The following DLGAP2 variants were observed in gnomAD, a reference collection of about 807,000 sequenced individuals.
DLGAP2 encodes the protein disks large-associated protein 2.
A neutral mutation model predicts 100.3 loss-of-function variants in DLGAP2; 26 were observed. That is an observed-to-expected ratio of 0.26 (90% CI 0.19 to 0.36). DLGAP2 has a LOEUF of 0.36. Ranked by LOEUF, DLGAP2 falls within the 10% of genes least tolerant of loss-of-function variation. The probability of loss-of-function intolerance (pLI) is 1.00; values close to 1 mark genes in which losing one functional copy is unlikely to be tolerated. For synonymous variants in DLGAP2, 886 were observed against 630.1 expected (o/e 1.41, Z -6.08); for missense variants, 1,858 against 1,453.2 (o/e 1.28, Z -4.53).
At chr8:1,162,363 C>A (rs764086299) in intron 2 of DLGAP2, among the ~76,000 whole-genome samples, 9 of 152,190 alleles carry the variant, frequency 5.9e-5, no homozygotes, top group Non-Finnish European at 1.3e-4. Context: ...ACAACACACA[C>A]TGGTGGTGGA....
intron 4 of DLGAP2, among the ~76,000 whole-genome samples, chr8:1,536,917 G>C (rs1801171496): frequency 6.6e-6 from 1 of 152,086 alleles, no homozygotes; most frequent in Non-Finnish European, 1.5e-5. Context: ...TATGTCATCT[G>C]CTTGCTGCGG....
chr8:1,282,561 G>A (rs1799838865), intron 3 of DLGAP2, among the ~76,000 whole-genome samples: 1 of 117,990 alleles, frequency 8.5e-6, no homozygotes, highest in Non-Finnish European at 1.7e-5. Flanking sequence ...GGTGTGACCT[G>A]AACCCAGCAC....
At chr8:1,632,257 C>G (rs983340665) in intron 7 of DLGAP2, among the ~76,000 whole-genome samples, 2 of 152,164 alleles carry the variant, frequency 1.3e-5, no homozygotes, top group East Asian at 1.9e-4. Context: ...CATCTGGACT[C>G]AGATATATGC....
intron 6 of DLGAP2, among the ~76,000 whole-genome samples, chr8:1,573,846 C>CT (rs1802856481): frequency 6.6e-6 from 1 of 152,308 alleles, no homozygotes; most frequent in East Asian, 1.9e-4. Context: ...CCCTAGAATA[C>CT]TTACATCTGG....
At chr8:972,803 T>G (rs973404704) in intron 2 of DLGAP2, among the ~76,000 whole-genome samples, 4 of 152,122 alleles carry the variant, frequency 2.6e-5, no homozygotes, top group African/African-American at 9.7e-5. Context: ...TACTTGAGAT[T>G]AGGGAGTGGT....
chr8:1,565,846 A>C lies in DLGAP2; in HGVS notation c.1394A>C (p.Glu465Ala). 1 of 1,612,934 alleles carries C rather than the reference A, an allele frequency of 6.2e-7. No individual in the cohort carries two copies. Among genetic ancestry groups the C allele is most frequent in the Non-Finnish European group, 8.5e-7 (1 of 1,179,416 alleles). Residue 465 changes from glutamate to alanine, a missense_variant, in exon 6 of 15, where the codon GAG becomes GCG. Glu to Ala is a moderately radical substitution (Grantham distance 107). Transcript: ENST00000637795. Reference protein sequence around the residue: ...KTSPKSAILPEPLLKSIGQRP... With the variant: ...KTSPKSAILPAPLLKSIGQRP... ...TCACCAAAGTCGGCAATCCTACCAG[A>C]GCCGCTGCTGAAGTCCATCGGACAG...
intron 1 of DLGAP2, among the ~76,000 whole-genome samples, chr8:749,094 G>C (rs190221432): frequency 3.3e-5 from 5 of 152,218 alleles, no homozygotes; most frequent in African/African-American, 1.2e-4. Context: ...TGACTTTCTG[G>C]GCTCAGGTGA....
chr8:1,456,895 G>T (rs186975435), intron 3 of DLGAP2, among the ~76,000 whole-genome samples: 1 of 119,150 alleles, frequency 8.4e-6, no homozygotes, highest in Admixed American at 8.9e-5. Flanking sequence ...CTGTGATGCC[G>T]ATGAGCCCGG....
chr8:1,386,534 A>G (rs957779656), intron 3 of DLGAP2, among the ~76,000 whole-genome samples: 2 of 152,238 alleles, frequency 1.3e-5, no homozygotes, highest in Admixed American at 6.5e-5. Flanking sequence ...CTCCAGGCAC[A>G]GGCACACCAC....
chr8:1,266,010 A>G (rs951990082), intron 3 of DLGAP2, among the ~76,000 whole-genome samples: 2 of 152,222 alleles, frequency 1.3e-5, no homozygotes, highest in Admixed American at 6.5e-5. Flanking sequence ...CAAGATATGC[A>G]AAGAAAAAAA....
chr8:1,490,971 A>G (rs2130281495), intron 3 of DLGAP2, among the ~76,000 whole-genome samples: 1 of 150,230 alleles, frequency 6.7e-6, no homozygotes, highest in South Asian at 2.1e-4. Flanking sequence ...ACATGTATAC[A>G]TATGTAACAA....
At chr8:1,229,408 A>G (rs961734255) in intron 2 of DLGAP2, among the ~76,000 whole-genome samples, 10 of 152,044 alleles carry the variant, frequency 6.6e-5, no homozygotes, top group African/African-American at 2.2e-4. Flanking sequence ...GGAACTTGAT[A>G]ATGATCTGTT....
chr8:978,855 A>C (rs1300770238), intron 2 of DLGAP2, among the ~76,000 whole-genome samples: 1 of 152,190 alleles, frequency 6.6e-6, no homozygotes, highest in Non-Finnish European at 1.5e-5. Flanking sequence ...ATTCCCAGTT[A>C]AAAATAATGC....
At chr8:1,580,965 C>G (rs1209411637) in intron 6 of DLGAP2, among the ~76,000 whole-genome samples, 1 of 151,338 alleles carries the variant, frequency 6.6e-6, no homozygotes, top group Non-Finnish European at 1.5e-5. Context: ...CACATCTACA[C>G]ACACCACAAA....
chr8:1,228,409 A>T (rs952554359), intron 2 of DLGAP2, among the ~76,000 whole-genome samples: 1 of 152,220 alleles, frequency 6.6e-6, no homozygotes, highest in Non-Finnish European at 1.5e-5. Flanking sequence ...ACAATCTTAC[A>T]TATGCTCTTT....
chr8:1,543,013 T>G (rs1363314843), intron 4 of DLGAP2, among the ~76,000 whole-genome samples: 1 of 152,186 alleles, frequency 6.6e-6, no homozygotes, highest in Non-Finnish European at 1.5e-5. Flanking sequence ...ACATCTTCTT[T>G]GGAGAAATAT....
chr8:988,638 C>T (rs555289217), intron 2 of DLGAP2, among the ~76,000 whole-genome samples: 1 of 152,150 alleles, frequency 6.6e-6, no homozygotes, highest in Non-Finnish European at 1.5e-5. Context: ...GACCTTCTCT[C>T]CTGGGCTCCT....
chr8:959,712 A>G (rs1473126272), intron 2 of DLGAP2, among the ~76,000 whole-genome samples: 2 of 152,176 alleles, frequency 1.3e-5, no homozygotes, highest in East Asian at 1.9e-4. Flanking sequence ...TCTGTGAGAG[A>G]TGCAAGGTCT....
chr8:1,378,487 C>G (rs936895556), intron 3 of DLGAP2, among the ~76,000 whole-genome samples: 4 of 151,538 alleles, frequency 2.6e-5, no homozygotes, highest in Non-Finnish European at 4.4e-5. Context: ...CCTGCACACA[C>G]CTGGCCTCAC....
Sources: allele counts gnomAD v4.1 joint callset (sites outside exome capture counted in the v4.1 genomes callset), GRCh38; gene constraint gnomAD v4.1.1; transcripts MANE v1.5; gene names NCBI Gene and HGNC (gene_info 2026-07-23, HGNC 2026-07-21).